Variants in MARCHF1 observed in about 807,000 individuals in gnomAD.
The protein encoded by MARCHF1 is E3 ubiquitin-protein ligase MARCHF1.
A neutral mutation model predicts 54.2 loss-of-function variants in MARCHF1; 40 were observed. That is an observed-to-expected ratio of 0.74 (90% confidence interval 0.57 to 0.96). The LOEUF is 0.96. MARCHF1 is among the 40% of genes least tolerant of loss of function. The pLI is 0.00. For missense variants in MARCHF1, 586 were observed against 656.5 expected (o/e 0.89, Z 1.17); for synonymous variants, 236 against 236.3 (o/e 1.00, Z 0.01).
chr4:163,804,741 C>T (rs1169655593), intron 4 of MARCHF1, among the ~76,000 whole-genome samples: 1 of 152,122 alleles, frequency 6.6e-6, no homozygotes, highest in East Asian at 1.9e-4. Context: ...TATGCAAATG[C>T]CTACTAGTGG....
rs368598336 is a variant in MARCHF1, at chr4:164,244,048, C to T, written c.-322-132386G>A. On this transcript the variant is annotated intron_variant, in intron 1 of 9. Transcript: ENST00000514618. ...CCACTGTCAACATTAGACAGATCAA[C>T]GAGACAGAAAGTTAACAAGGATATC... 2.9e-3 allele frequency among the ~76,000 whole-genome samples: 444 copies of T among 152,098 alleles called. 1 individual carries two copies. The highest frequency in any genetic ancestry group is 8.4e-3 in the African/African-American group (350 of 41,496).
chr4:164,131,417 G>A (rs1290304886), intron 1 of MARCHF1, among the ~76,000 whole-genome samples: 1 of 152,060 alleles, frequency 6.6e-6, no homozygotes, highest in Non-Finnish European at 1.5e-5. Flanking sequence ...ATTACGTTTG[G>A]CATTTGGAAA....
At chr4:164,148,670 G>A (rs971827146) in intron 1 of MARCHF1, among the ~76,000 whole-genome samples, 2 of 152,054 alleles carry the variant, frequency 1.3e-5, no homozygotes, top group Non-Finnish European at 2.9e-5. Context: ...TGTTTATCAA[G>A]CTATTGTTAA....
chr4:163,642,406 A>C (rs1310087570), intron 5 of MARCHF1, among the ~76,000 whole-genome samples: 1 of 152,156 alleles, frequency 6.6e-6, no homozygotes, highest in East Asian at 1.9e-4. Context: ...AGATTACCTG[A>C]ATTTACTTTC....
intron 1 of MARCHF1, among the ~76,000 whole-genome samples, chr4:164,202,226 T>C (rs1357086085): frequency 6.6e-6 from 1 of 152,202 alleles, no homozygotes; most frequent in Non-Finnish European, 1.5e-5. Flanking sequence ...ATTTAGATGA[T>C]TCGAAGGATG....
intron 2 of MARCHF1, among the ~76,000 whole-genome samples, chr4:164,102,705 A>G (rs1277959143): frequency 6.6e-6 from 1 of 151,988 alleles, no homozygotes; most frequent in African/African-American, 2.4e-5. Flanking sequence ...AACTGCATCA[A>G]CTAATGAGCA....
At chr4:164,237,539 A>G (rs2111197255) in intron 1 of MARCHF1, among the ~76,000 whole-genome samples, 1 of 152,220 alleles carries the variant, frequency 6.6e-6, no homozygotes, top group South Asian at 2.1e-4. Flanking sequence ...ATGACTCAGT[A>G]CATGCACATA....
intron 5 of MARCHF1, among the ~76,000 whole-genome samples, chr4:163,665,773 T>C (rs888575120): frequency 2.0e-5 from 3 of 152,122 alleles, no homozygotes; most frequent in African/African-American, 7.2e-5. Context: ...ATAAATAAAC[T>C]CTCAAAGATA....
intron 4 of MARCHF1, among the ~76,000 whole-genome samples, chr4:163,786,708 A>T (rs1321500410): frequency 6.6e-6 from 1 of 151,944 alleles, no homozygotes; most frequent in Non-Finnish European, 1.5e-5. Flanking sequence ...AAATCCCAAT[A>T]ATTTTTCTTT....
chr4:164,142,387 A>C (rs1322167781), intron 1 of MARCHF1, among the ~76,000 whole-genome samples: 1 of 152,142 alleles, frequency 6.6e-6, no homozygotes, highest in African/African-American at 2.4e-5. Flanking sequence ...ACAAACAAAA[A>C]GACAGCAGTA....
At chr4:164,125,996 A>G (rs1175821063) in intron 1 of MARCHF1, among the ~76,000 whole-genome samples, 1 of 152,216 alleles carries the variant, frequency 6.6e-6, no homozygotes, top group African/African-American at 2.4e-5. Flanking sequence ...TGTGTTATAC[A>G]CCTATGTTCC....
chr4:164,226,090 C>T (rs1044240054), intron 1 of MARCHF1, among the ~76,000 whole-genome samples: 1 of 151,784 alleles, frequency 6.6e-6, no homozygotes, highest in Non-Finnish European at 1.5e-5. Flanking sequence ...CTTTTTTTCT[C>T]GTATTCTCCT....
chr4:163,921,247 G>A (rs1751423912), intron 3 of MARCHF1, among the ~76,000 whole-genome samples: 1 of 151,482 alleles, frequency 6.6e-6, no homozygotes, highest in South Asian at 2.1e-4. Context: ...CCTTGTAGAT[G>A]TTTGGAAACA....
intron 5 of MARCHF1, among the ~76,000 whole-genome samples, chr4:163,624,346 G>A (rs1208623997): frequency 6.6e-6 from 1 of 152,164 alleles, no homozygotes; most frequent in Non-Finnish European, 1.5e-5. Flanking sequence ...ATTCCTTCAA[G>A]CGGTCAATTC....
intron 2 of MARCHF1, among the ~76,000 whole-genome samples, chr4:164,068,060 T>TA (rs912318352): frequency 6.6e-6 from 1 of 151,996 alleles, no homozygotes; most frequent in Non-Finnish European, 1.5e-5. Context: ...TACTAAAAAG[T>TA]AAAAAAATAA....
chr4:163,897,725 T>C (rs917380568), intron 3 of MARCHF1, among the ~76,000 whole-genome samples: 3 of 152,024 alleles, frequency 2.0e-5, no homozygotes, highest in African/African-American at 7.3e-5. Context: ...TAACTCAAGA[T>C]GGATTAAAGA....
At chr4:163,569,638 G>A (rs369357138) in intron 8 of MARCHF1, among the ~76,000 whole-genome samples, 8 of 152,134 alleles carry the variant, frequency 5.3e-5, no homozygotes, top group Non-Finnish European at 8.8e-5. Context: ...CTTATCCAAC[G>A]TTACAAAGCT....
At chr4:164,155,079 G>A (rs6829159) in intron 1 of MARCHF1, among the ~76,000 whole-genome samples, 29,006 of 151,962 alleles carry the variant, frequency 0.19, 4,409 homozygotes, top group African/African-American at 0.41. Context: ...TTGTCTGTTC[G>A]TCTCCTCATC....
At chr4:164,028,994 A>G (rs909795154) in intron 2 of MARCHF1, among the ~76,000 whole-genome samples, 1 of 152,214 alleles carries the variant, frequency 6.6e-6, no homozygotes, top group Admixed American at 6.6e-5. Context: ...ATTGTTGCTT[A>G]AATATGATAC....
Sources: gnomAD v4.1 joint callset for allele counts (sites outside exome capture counted in the v4.1 genomes callset) on GRCh38, gnomAD v4.1.1 for gene constraint, MANE v1.5 for transcripts, NCBI Gene and HGNC (gene_info 2026-07-23, HGNC 2026-07-21) for gene names.